The following PCDHGB6 variants were observed in gnomAD, a reference collection of about 807,000 sequenced individuals.
PCDHGB6 encodes protocadherin gamma-B6.
Under a neutral mutation model 59.1 loss-of-function variants are expected in PCDHGB6, and 51 were observed. The ratio of observed to expected loss-of-function variants is 0.86; its 90% CI spans 0.69 to 1.09. The LOEUF is 1.09. Ranked by LOEUF, PCDHGB6 falls within the 50% of genes least tolerant of loss-of-function variation. PCDHGB6 has a pLI of 0.00. For missense variants in PCDHGB6, 1,148 were observed against 1,205.1 expected, an observed-to-expected ratio of 0.95 and a Z score of 0.70; for synonymous variants, 466 against 495.1, an observed-to-expected ratio of 0.94 and a Z score of 0.78.
chr5:141,444,280 T>C (rs1217749098), intron 1 of PCDHGB6, among the ~76,000 whole-genome samples: 1 of 147,614 alleles, frequency 6.8e-6, no homozygotes, highest in East Asian at 2.1e-4. Context: ...CAAGTGATTC[T>C]CCTGCCTCAG....
intron 1 of PCDHGB6, chr5:141,427,833 G>T (rs1345567011): frequency 6.5e-7 from 1 of 1,540,964 alleles, no homozygotes; most frequent in Non-Finnish European, 8.9e-7. Flanking sequence ...CGCGCAGCGT[G>T]CCTTCGACCA....
chr5:141,420,028 A>C, intron 1 of PCDHGB6: 2 of 1,614,076 alleles, frequency 1.2e-6, no homozygotes, highest in Non-Finnish European at 1.7e-6. Flanking sequence ...GCCCTACTGC[A>C]GGAGACTGCT....
chr5:141,459,503 A>T (rs1346447458), intron 1 of PCDHGB6, among the ~76,000 whole-genome samples: 1 of 152,242 alleles, frequency 6.6e-6, no homozygotes, highest in Non-Finnish European at 1.5e-5. Flanking sequence ...AGTGATGTGA[A>T]CAATCATGTA....
At chr5:141,427,765 T>C (rs1331334394) in intron 1 of PCDHGB6, 3 of 1,387,170 alleles carry the variant, frequency 2.2e-6, no homozygotes, top group Non-Finnish European at 2.0e-6. Context: ...ACCACTGACT[T>C]GGAGCTGCGG....
intron 1 of PCDHGB6, chr5:141,418,464 G>A: frequency 3.7e-6 from 6 of 1,614,010 alleles, no homozygotes; most frequent in Non-Finnish European, 5.1e-6. Flanking sequence ...ACTCTGGACC[G>A]AGAAACGCAG....
At position 141,487,510 on chromosome 5, in the gene PCDHGB6, C is replaced by A; in HGVS notation, c.2419-7297C>A. On this transcript the variant is annotated intron_variant, in intron 1 of 3. Transcript: ENST00000520790. The surrounding 1 kb of genome is among the most constrained non-coding windows in gnomAD (Gnocchi z 5.0). ...GCTGTACACCCTTGGCTTCTGCACC[C>A]ACTCGGAGTGATAGCTTCATGATGG... is the stretch of plus-strand genomic sequence containing the variant. The A allele has an allele frequency of 6.2e-7, 1 of 1,614,210 alleles. No homozygotes were observed. Among genetic ancestry groups the A allele is most frequent in the Non-Finnish European group, 8.5e-7 (1 of 1,180,042 alleles).
rs2099661624 is a variant in PCDHGB6, at chr5:141,487,712, G to A, written c.2419-7095G>A. The stretch of plus-strand genomic sequence containing the variant: ...AGAGAGTACTGGCCTCTCAGTAAGT[G>A]CCCATAGTGATGTCACCATTTTTGT... On this transcript the variant is annotated intron_variant, in intron 1 of 3. Coordinates refer to ENST00000520790, the MANE Select transcript of PCDHGB6 (RefSeq NM_018926.3). The surrounding 1 kb of genome is among the most constrained non-coding windows in gnomAD (Gnocchi z 5.0). The A allele has an allele frequency of 5.0e-6, 8 of 1,585,892 alleles. No individual in the cohort carries two copies. The highest frequency in any genetic ancestry group is 1.1e-5 in the South Asian group (1 of 87,950).
rs184178455 is a variant in PCDHGB6 at position 141,428,574 on chromosome 5, T to C, written c.2418+17954T>C. ...CAGTCCCCCCACAAGATCTTTCTAA[T>C]GAAGTTTCTCTGGTAGCAAGCTTCA... is the stretch of plus-strand genomic sequence containing the variant. On this transcript the variant is annotated intron_variant, in intron 1 of 3. Transcript: ENST00000520790. 1.8e-3 allele frequency: 416 copies of C among 229,070 alleles called. 3 individuals are homozygous for C. The highest frequency in any genetic ancestry group is 2.8e-3 in the Non-Finnish European group (314 of 113,918). The allele number at this position is 229,070 out of a possible 1,614,324, so 14.2% of individuals were successfully genotyped here. A position where few individuals can be genotyped will look rare whatever the true frequency, so the allele number is the denominator to read the frequency against.
At chr5:141,495,269 CGGAGGAGGCG>C (rs2099759953) in intron 2 of PCDHGB6, among the ~76,000 whole-genome samples, 1 of 152,180 alleles carries the variant, frequency 6.6e-6, no homozygotes, top group Non-Finnish European at 1.5e-5. Context: ...AGCATTTGAC[CGGAGGAGGCG>C]GTCCGCACTC....
At chr5:141,415,185 C>G (rs375113497) in intron 1 of PCDHGB6, 66 of 1,613,860 alleles carry the variant, frequency 4.1e-5, no homozygotes, top group Non-Finnish European at 5.4e-5. Flanking sequence ...CCGTGGCCGA[C>G]AGCATCCCCC....
intron 3 of PCDHGB6, among the ~76,000 whole-genome samples, chr5:141,507,713 C>T (rs2099862763): frequency 6.6e-6 from 1 of 152,234 alleles, no homozygotes; most frequent in Non-Finnish European, 1.5e-5. Flanking sequence ...GGCCCCAAAC[C>T]CTCCAAGCAA....
intron 1 of PCDHGB6, among the ~76,000 whole-genome samples, chr5:141,483,057 C>T (rs1329609397): frequency 6.6e-6 from 1 of 152,028 alleles, no homozygotes; most frequent in African/African-American, 2.4e-5. Flanking sequence ...TGCACTCCAG[C>T]ATGGGCAACA....
At chr5:141,420,228 G>C (rs750839002) in intron 1 of PCDHGB6, 3 of 1,603,310 alleles carry the variant, frequency 1.9e-6, no homozygotes, top group Non-Finnish European at 2.6e-6. Flanking sequence ...CTACTGGCTA[G>C]CATTTTAACT....
Position 141,477,167 on chromosome 5 carries a change from G to C in PCDHGB6, c.2419-17640G>C. The C allele has an allele frequency of 6.2e-7, 1 of 1,614,166 alleles. No individual in the cohort carries two copies. Among genetic ancestry groups the C allele is most frequent in the South Asian group, 1.1e-5 (1 of 91,076 alleles). ...TGTGGATGTGAATGACAACGCCCCG[G>C]AGATCACAGTCACCTCCGTGTACAG... On this transcript the variant is annotated intron_variant, in intron 1 of 3. Coordinates refer to ENST00000520790, the MANE Select transcript of PCDHGB6 (RefSeq NM_018926.3). The surrounding 1 kb of genome is among the most constrained non-coding windows in gnomAD (Gnocchi z 4.9).
At chr5:141,466,034 A>T (rs189202430) in intron 1 of PCDHGB6, among the ~76,000 whole-genome samples, 1,557 of 152,178 alleles carry the variant, frequency 0.01, 35 homozygotes, top group African/African-American at 0.035. Flanking sequence ...AGGCAGGAGA[A>T]CGGCATGAAC....
chr5:141,473,476 A>G (rs1300050332), intron 1 of PCDHGB6, among the ~76,000 whole-genome samples: 15 of 151,558 alleles, frequency 9.9e-5, no homozygotes, highest in Admixed American at 9.2e-4. Context: ...GCCAAGTTCA[A>G]TGGAAAAAAT....
In PCDHGB6 at chr5:141,476,040, G is replaced by A; in HGVS notation, c.2419-18767G>A. 2.0e-6 allele frequency: 3 copies of A among 1,488,704 alleles called. No individual in the cohort carries two copies. Among genetic ancestry groups the A allele is most frequent in the Admixed American group, 2.2e-5 (1 of 44,984 alleles). 92.2% of individuals were successfully genotyped at this position (1,488,704 alleles called of 1,614,324 possible). On this transcript the variant is annotated intron_variant, in intron 1 of 3. Coordinates refer to ENST00000520790, the MANE Select transcript of PCDHGB6 (RefSeq NM_018926.3). The surrounding 1 kb of genome is among the most constrained non-coding windows in gnomAD (Gnocchi z 7.6). The stretch of plus-strand genomic sequence containing the variant: ...CGGACTCGGCGCCCAGCGCCCAAGC[G>A]CTAACCCGCTGAAAGTTTCTCAGCG...
chr5:141,504,158 T>G (rs890874880), intron 2 of PCDHGB6, among the ~76,000 whole-genome samples: 1 of 152,222 alleles, frequency 6.6e-6, no homozygotes, highest in Non-Finnish European at 1.5e-5. Context: ...TGAAATAATT[T>G]CATCCTTGGA....
chr5:141,491,168 A>G lies in PCDHGB6; in HGVS notation c.2419-3639A>G. On this transcript the variant is annotated intron_variant, in intron 1 of 3. Coordinates refer to ENST00000520790, the MANE Select transcript of PCDHGB6 (RefSeq NM_018926.3). The surrounding 1 kb of genome is among the most constrained non-coding windows in gnomAD (Gnocchi z 6.9). Reference sequence around the variant, plus strand: ...CTGGAGGATGACTCTGACACCCAGCAGGTGGTGGTCCTGGTGAGGGACAAT... The same window carrying G: ...CTGGAGGATGACTCTGACACCCAGCGGGTGGTGGTCCTGGTGAGGGACAAT... 2 of 1,614,160 alleles carry G rather than the reference A, an allele frequency of 1.2e-6. No homozygotes were observed.
Sources: allele counts gnomAD v4.1 joint callset (sites outside exome capture counted in the v4.1 genomes callset), GRCh38; gene constraint gnomAD v4.1.1; non-coding constraint Gnocchi (gnomAD v3.1); transcripts MANE v1.5; gene names NCBI Gene and HGNC (gene_info 2026-07-23, HGNC 2026-07-21).